Variants in NIPBL observed in about 807,000 individuals in gnomAD.
NIPBL encodes the protein NIPBL cohesin loading factor.
NIPBL carries 19 observed loss-of-function variants against 321.8 expected under a neutral mutation model. The observed-to-expected ratio is 0.06, with a 90% confidence interval of 0.04 to 0.09. The LOEUF (loss-of-function observed/expected upper bound fraction) is 0.09. NIPBL is among the 10% of genes least tolerant of loss of function. NIPBL has a pLI of 1.00. For missense variants in NIPBL, 2,210 were observed against 3,327.0 expected (o/e 0.66, Z 8.26); for synonymous variants, 1,106 against 1,114.1 (o/e 0.99, Z 0.14).
chr5:37,064,745 C>T lies in NIPBL; in HGVS notation c.8268C>T (p.Gly2756=), dbSNP rs1359589912. ...GSWTEAKRRD[G]RKLVPWVDTI... ...GGACTGAGGCTAAGCGCCGTGATGG[C>T]CGCAAACTGGTGCCTTGGGTAGACA... The change falls in exon 47 of 47, where the codon GGC becomes GGT. Residue 2756 remains glycine, a synonymous_variant. Transcript: ENST00000282516. 2 of 1,614,194 alleles carry T rather than the reference C, an allele frequency of 1.2e-6. No homozygotes were observed. Among genetic ancestry groups the T allele is most frequent in the East Asian group, 4.5e-5 (2 of 44,890 alleles).
intron 2 of NIPBL, among the ~76,000 whole-genome samples, chr5:36,954,617 C>T (rs369060131): frequency 1.3e-5 from 2 of 152,108 alleles, no homozygotes; most frequent in African/African-American, 4.8e-5. Flanking sequence ...TTTGGTTTTT[C>T]TCCCCATGAT....
chr5:37,058,796 T>C (rs1009589293), intron 43 of NIPBL, 95 bp from the exon 44 acceptor site: 19 of 1,097,916 alleles, frequency 1.7e-5, no homozygotes, highest in Non-Finnish European at 2.5e-5. Flanking sequence ...AAAATATTAG[T>C]TTAAGGAAGC....
At chr5:36,969,310 A>C (rs1300208226) in intron 6 of NIPBL, among the ~76,000 whole-genome samples, 1 of 152,200 alleles carries the variant, frequency 6.6e-6, no homozygotes, top group South Asian at 2.1e-4. Flanking sequence ...CTAAAAATTC[A>C]TATAGAAGTT....
At chr5:37,038,498 TG>T in intron 33 of NIPBL, 103 bp from the exon 34 acceptor site, 2 of 967,940 alleles carry the variant, frequency 2.1e-6, no homozygotes, top group Non-Finnish European at 1.6e-6. Context: ...AGGCCTATAC[TG>T]GACCTATTTA....
intron 29 of NIPBL, among the ~76,000 whole-genome samples, chr5:37,023,774 T>A (rs1580504409): frequency 6.8e-6 from 1 of 147,408 alleles, no homozygotes; most frequent in Non-Finnish European, 1.5e-5. Flanking sequence ...TTTTTTTTTT[T>A]TACATCCCAT....
chr5:36,973,624 C>G (rs557954628), intron 8 of NIPBL, among the ~76,000 whole-genome samples: 1 of 152,170 alleles, frequency 6.6e-6, no homozygotes, highest in Admixed American at 6.5e-5. Flanking sequence ...CATGCCACCA[C>G]GCCCGGGTGA....
chr5:36,960,692 G>A lies in NIPBL; in HGVS notation c.359-792G>A, dbSNP rs1453665573. ...TGATGCTTGCAGCTGCCAAAAAAGA[G>A]ATTGGCTATAGAAATCATAAGAAAA... On this transcript the variant is annotated intron_variant, in intron 4 of 46. Coordinates refer to ENST00000282516, the MANE Select transcript of NIPBL (RefSeq NM_133433.4). Among the ~76,000 whole-genome samples, 10 of 152,150 alleles carry A rather than the reference G, an allele frequency of 6.6e-5. No individual in the cohort carries two copies. In the East Asian group the frequency reaches 1.9e-3, roughly 29 times the overall value.
chr5:36,920,520 G>T (rs979961637), intron 1 of NIPBL, among the ~76,000 whole-genome samples: 7 of 152,074 alleles, frequency 4.6e-5, no homozygotes, highest in Non-Finnish European at 8.8e-5. Context: ...TAGTATTTTT[G>T]ATAAGAAAGC....
chr5:36,895,665 G>T (rs1426069499), intron 1 of NIPBL, among the ~76,000 whole-genome samples: 1 of 152,146 alleles, frequency 6.6e-6, no homozygotes, highest in East Asian at 1.9e-4. Context: ...AGGGTGTGAA[G>T]TGGTATCTCT....
chr5:37,061,102 T>G lies in NIPBL; in HGVS notation c.7860+84T>G. 6.4e-6 allele frequency: 6 copies of G among 942,044 alleles called. No individual in the cohort carries two copies. In the Admixed American group the frequency reaches 7.7e-5, roughly 12 times the overall value. 58.4% of individuals were successfully genotyped at this position (942,044 alleles called of 1,614,324 possible). A position where few individuals can be genotyped will look rare whatever the true frequency, so the allele number is the denominator to read the frequency against. ...TGGGGGGCCGGTGGGGAGATAACTA[T>G]CTCCTTCACATTGAATATAAGCTTC... On this transcript the variant is annotated intron_variant, in intron 45 of 46. Transcript: ENST00000282516.
chr5:37,013,909 C>T (rs1272475430), intron 21 of NIPBL, among the ~76,000 whole-genome samples: 1 of 152,258 alleles, frequency 6.6e-6, no homozygotes, highest in African/African-American at 2.4e-5. Context: ...GCACTCCAGC[C>T]TGGGCACCAT....
chr5:36,938,412 G>A (rs955305363), intron 1 of NIPBL, among the ~76,000 whole-genome samples: 1 of 152,116 alleles, frequency 6.6e-6, no homozygotes, highest in Admixed American at 6.5e-5. Flanking sequence ...GATTATTTAA[G>A]CAGATGGAGC....
At chr5:37,007,103 A>G (rs1184689530) in intron 17 of NIPBL, among the ~76,000 whole-genome samples, 3 of 151,978 alleles carry the variant, frequency 2.0e-5, no homozygotes, top group Non-Finnish European at 4.4e-5. Context: ...TATTTTAGAT[A>G]CAGGGATTTA....
At chr5:36,881,009 G>T (rs535784544) in intron 1 of NIPBL, among the ~76,000 whole-genome samples, 6 of 152,044 alleles carry the variant, frequency 3.9e-5, no homozygotes, top group Admixed American at 1.3e-4. Context: ...TTGAAGCTAG[G>T]TATTGCTCAG....
chr5:36,927,693 A>G (rs927015230), intron 1 of NIPBL, among the ~76,000 whole-genome samples: 1 of 152,186 alleles, frequency 6.6e-6, no homozygotes, highest in African/African-American at 2.4e-5. Flanking sequence ...AGTATAAGGA[A>G]TTTATTTTGG....
chr5:37,064,892 A>G lies in NIPBL; in HGVS notation c.8415A>G (p.Ter2805=). ...LYAAKDGTSS[*] ...CCGCCAAGGATGGGACTTCCAGCTA[A>G]TGAATTTGTACATGCAGCCAAATTT... The change falls in exon 47 of 47, where the codon TAA becomes TAG. Residue 2805 remains the stop codon, a stop_retained_variant. Coordinates refer to ENST00000282516, the MANE Select transcript of NIPBL (RefSeq NM_133433.4). The G allele has an allele frequency of 1.2e-6, 2 of 1,614,198 alleles. No homozygotes were observed. Among genetic ancestry groups the G allele is most frequent in the Non-Finnish European group, 8.5e-7 (1 of 1,180,016 alleles).
intron 1 of NIPBL, chr5:36,885,368 C>G (rs567104629): frequency 2.2e-6 from 1 of 459,378 alleles, no homozygotes; most frequent in Admixed American, 2.5e-5. Context: ...CACCAGCTTC[C>G]GCGGCGGCTT....
At chr5:37,012,880 C>A (rs299398) in intron 21 of NIPBL, among the ~76,000 whole-genome samples, 4,965 of 148,754 alleles carry the variant, frequency 0.033, 256 homozygotes, top group African/African-American at 0.11. Flanking sequence ...TACACAGACA[C>A]GGCAACCATC....
chr5:37,053,442 TAA>T (rs1753776490), intron 42 of NIPBL, among the ~76,000 whole-genome samples: 1 of 152,230 alleles, frequency 6.6e-6, no homozygotes, highest in Non-Finnish European at 1.5e-5. Context: ...AAACCTATGT[TAA>T]AGTTTTAATT....
Sources: gnomAD v4.1 joint callset for allele counts (sites outside exome capture counted in the v4.1 genomes callset) on GRCh38, gnomAD v4.1.1 for gene constraint, MANE v1.5 for transcripts, NCBI Gene and HGNC (gene_info 2026-07-23, HGNC 2026-07-21) for gene names.